Variants in SLC4A4 observed in about 807,000 individuals in gnomAD.
The protein encoded by SLC4A4 is solute carrier family 4 member 4, also known as electrogenic sodium bicarbonate cotransporter 1.
In SLC4A4, 27 loss-of-function variants were observed where a neutral mutation model predicts 111.5. The ratio of observed to expected loss-of-function variants is 0.24; its 90% CI spans 0.18 to 0.33. SLC4A4 has a LOEUF of 0.33. Ranked by LOEUF, SLC4A4 falls within the 10% of genes least tolerant of loss-of-function variation. The probability of loss-of-function intolerance (pLI) is 1.00; values close to 1 mark genes in which losing one functional copy is unlikely to be tolerated. For synonymous variants in SLC4A4, 443 were observed against 463.4 expected (o/e 0.96, Z 0.57); for missense variants, 909 against 1,315.5 (o/e 0.69, Z 4.78).
At chr4:71,406,982 C>T (rs561380629) in intron 7 of SLC4A4, among the ~76,000 whole-genome samples, 2 of 152,204 alleles carry the variant, frequency 1.3e-5, no homozygotes, top group East Asian at 3.9e-4. Context: ...GACATATTGG[C>T]AAACTGGAGG....
At chr4:71,143,996 G>T (rs1664836206) in intron 2 of SLC4A4, among the ~76,000 whole-genome samples, 1 of 152,140 alleles carries the variant, frequency 6.6e-6, no homozygotes, top group Non-Finnish European at 1.5e-5. Flanking sequence ...ATTGCTTTTG[G>T]TGTTTTAGTC....
At chr4:71,087,590 T>A (rs1257903944) in intron 1 of SLC4A4, among the ~76,000 whole-genome samples, 1 of 152,038 alleles carries the variant, frequency 6.6e-6, no homozygotes, top group Non-Finnish European at 1.5e-5. Context: ...GTCCCAGAGA[T>A]TCTGGTATGT....
At chr4:71,304,623 T>G (rs1725540176) in intron 3 of SLC4A4, among the ~76,000 whole-genome samples, 1 of 152,186 alleles carries the variant, frequency 6.6e-6, no homozygotes, top group Non-Finnish European at 1.5e-5. Context: ...ACACATAAAA[T>G]TAATTGTCAC....
chr4:71,506,683 C>A (rs1331589212), intron 16 of SLC4A4, among the ~76,000 whole-genome samples: 1 of 152,112 alleles, frequency 6.6e-6, no homozygotes, highest in African/African-American at 2.4e-5. Context: ...AGGATATCAT[C>A]CAGGAGAACT....
chr4:71,458,330 CTT>C (rs1440108771), intron 12 of SLC4A4, among the ~76,000 whole-genome samples: 7 of 151,932 alleles, frequency 4.6e-5, no homozygotes, highest in Non-Finnish European at 7.4e-5. Flanking sequence ...TGTGAAAAGT[CTT>C]ATATTATTTA....
Position 71,546,403 on chromosome 4 carries a change from A to G in SLC4A4, c.2496A>G (p.Ile832Met), listed in dbSNP as rs746679122. 7 of 1,612,824 alleles carry G rather than the reference A, an allele frequency of 4.3e-6. No individual in the cohort carries two copies. Among genetic ancestry groups the G allele is most frequent in the Non-Finnish European group, 2.5e-6 (3 of 1,179,110 alleles). The change falls in exon 19 of 26, where the codon ATA becomes ATG. Residue 832 changes from isoleucine (I) to methionine (M), a missense_variant. Physicochemically the swap from Ile to Met is conservative, Grantham distance 10 (BLOSUM62 1). Around this residue, in one of 7 missense-constraint regions of SLC4A4, gnomAD observed 264 missense variants for 356.8 expected, o/e 0.74. Transcript: ENST00000264485. ...DLFWVAILMV[I>M]CSLMALPWYV... Reference sequence around the variant, plus strand: ...TTTGGGTGGCCATCCTCATGGTTATATGCTCCCTCATGGCTCTTCCGTGGT... The same window carrying G: ...TTTGGGTGGCCATCCTCATGGTTATGTGCTCCCTCATGGCTCTTCCGTGGT...
intron 16 of SLC4A4, among the ~76,000 whole-genome samples, chr4:71,501,954 T>C (rs4306928): frequency 0.72 from 108,957 of 151,860 alleles, 40,214 homozygotes; most frequent in Non-Finnish European, 0.82. Context: ...TGAACCACCA[T>C]GCCTGGCCTA....
chr4:71,552,366 T>C (rs201735793), intron 20 of SLC4A4, among the ~76,000 whole-genome samples: 5 of 150,316 alleles, frequency 3.3e-5, no homozygotes, highest in East Asian at 2.0e-4. Flanking sequence ...CACACACACA[T>C]ACACACACAC....
intron 2 of SLC4A4, among the ~76,000 whole-genome samples, chr4:71,131,023 G>T (rs781603560): frequency 2.3e-4 from 35 of 152,144 alleles, no homozygotes; most frequent in Admixed American, 1.3e-3. Context: ...TCAAGTGAGT[G>T]ATACATGCTA....
At chr4:71,550,951 A>G (rs1219329464) in intron 20 of SLC4A4, among the ~76,000 whole-genome samples, 1 of 151,918 alleles carries the variant, frequency 6.6e-6, no homozygotes, top group African/African-American at 2.4e-5. Context: ...ACAGTCATAC[A>G]TGCCTCAAAG....
chr4:71,294,102 G>T (rs1724590820), intron 3 of SLC4A4, among the ~76,000 whole-genome samples: 1 of 152,204 alleles, frequency 6.6e-6, no homozygotes, highest in African/African-American at 2.4e-5. Context: ...CCTAAAAATG[G>T]AAGCATGTTA....
At chr4:71,367,150 G>C (rs1444194814) in intron 6 of SLC4A4, among the ~76,000 whole-genome samples, 4 of 152,176 alleles carry the variant, frequency 2.6e-5, no homozygotes, top group African/African-American at 7.2e-5. Context: ...ACAATACACT[G>C]ACAGGTTGAG....
intron 13 of SLC4A4, among the ~76,000 whole-genome samples, chr4:71,467,009 A>G (rs1484488867): frequency 6.9e-6 from 1 of 144,748 alleles, no homozygotes; most frequent in Non-Finnish European, 1.5e-5. Context: ...TCCCCAGCTC[A>G]CCGTCTTTGT....
At chr4:71,343,717 G>C (rs1307724414) in intron 4 of SLC4A4, among the ~76,000 whole-genome samples, 2 of 152,180 alleles carry the variant, frequency 1.3e-5, no homozygotes, top group Admixed American at 6.5e-5. Flanking sequence ...CACTGAGATT[G>C]CTGCAGATGG....
At chr4:71,503,716 A>AG (rs1731148194) in intron 16 of SLC4A4, among the ~76,000 whole-genome samples, 2 of 152,264 alleles carry the variant, frequency 1.3e-5, no homozygotes, top group African/African-American at 4.8e-5. Flanking sequence ...AGAGATTGAA[A>AG]GATTTATGTA....
intron 16 of SLC4A4, among the ~76,000 whole-genome samples, chr4:71,506,933 C>T (rs191851743): frequency 4.6e-5 from 7 of 152,042 alleles, no homozygotes; most frequent in Admixed American, 3.9e-4. Flanking sequence ...AGATTGGGGG[C>T]CAATATTTAA....
intron 8 of SLC4A4, among the ~76,000 whole-genome samples, chr4:71,442,566 C>T (rs987134348): frequency 3.9e-5 from 6 of 152,040 alleles, no homozygotes; most frequent in Admixed American, 3.3e-4. Flanking sequence ...CCTGTGAAAT[C>T]CAATAAAGGA....
chr4:71,101,569 G>A (rs1658469100), intron 2 of SLC4A4, among the ~76,000 whole-genome samples: 1 of 152,192 alleles, frequency 6.6e-6, no homozygotes, highest in African/African-American at 2.4e-5. Flanking sequence ...CACAGCTGGA[G>A]ATCTGAGAAC....
At chr4:71,531,858 C>T (rs899716866) in intron 16 of SLC4A4, among the ~76,000 whole-genome samples, 4 of 150,670 alleles carry the variant, frequency 2.7e-5, no homozygotes, top group Non-Finnish European at 5.9e-5. Flanking sequence ...CTTTGGGATA[C>T]ATTACATTAT....
Sources: allele counts gnomAD v4.1 joint callset (sites outside exome capture counted in the v4.1 genomes callset), GRCh38; gene constraint gnomAD v4.1.1; regional missense constraint gnomAD v4.1.1; transcripts MANE v1.5; gene names NCBI Gene and HGNC (gene_info 2026-07-23, HGNC 2026-07-21).